ABI3BP: variants seen among roughly 807,000 people sequenced by gnomAD.
The protein encoded by ABI3BP is target of Nesh-SH3.
ABI3BP carries 216 observed loss-of-function variants against 268.6 expected under a neutral mutation model. That is an observed-to-expected ratio of 0.80 (90% CI 0.72 to 0.90). The LOEUF (loss-of-function observed/expected upper bound fraction) is 0.90, where lower values mean the gene tolerates loss of function less well. Ranked by LOEUF, ABI3BP falls within the 40% of genes least tolerant of loss-of-function variation. The probability of loss-of-function intolerance (pLI) is 0.00; values close to 1 mark genes in which losing one functional copy is unlikely to be tolerated. For synonymous variants in ABI3BP, 730 were observed against 730.0 expected (o/e 1.00, Z 0.00); for missense variants, 2,090 against 2,182.4 (o/e 0.96, Z 0.84).
Position 100,874,827 on chromosome 3 carries a change from A to G in ABI3BP, c.910+14T>C, listed in dbSNP as rs2099144528. 2 of 1,541,912 alleles carry G rather than the reference A, an allele frequency of 1.3e-6. No homozygotes were observed. The highest frequency in any genetic ancestry group is 1.9e-5 in the Admixed American group (1 of 53,824). ...AGTTACTGCAAAGTTCAAATACAAA[A>G]CTTTTCTGCTTACCTAATTGTGTCT... On this transcript the variant is annotated intron_variant, in intron 9 of 67. Coordinates refer to ENST00000471714, the MANE Select transcript of ABI3BP (RefSeq NM_001375547.2).
chr3:100,876,634 CTG>C, intron 6 of ABI3BP, 74 bp from the exon 7 acceptor site: 1 of 1,331,376 alleles, frequency 7.5e-7, no homozygotes, highest in Non-Finnish European at 1.1e-6. Flanking sequence ...GTTCGGAGAA[CTG>C]GAAGTAGCCC....
intron 62 of ABI3BP, 83 bp downstream of exon 62, chr3:100,770,660 A>G: frequency 7.7e-7 from 1 of 1,306,404 alleles, no homozygotes. Flanking sequence ...TTCACATGTC[A>G]ACGTTGACCC....
chr3:100,860,395 C>T (rs966647837), intron 14 of ABI3BP, among the ~76,000 whole-genome samples: 4 of 152,180 alleles, frequency 2.6e-5, no homozygotes, highest in East Asian at 1.9e-4. Context: ...AGTTCTCTGG[C>T]GACCTAAGGT....
chr3:100,990,321 T>C (rs545875507), intron 1 of ABI3BP, among the ~76,000 whole-genome samples: 37 of 152,136 alleles, frequency 2.4e-4, no homozygotes, highest in Non-Finnish European at 4.6e-4. Context: ...TAAAATACTA[T>C]GAGATAGTTA....
In ABI3BP at chr3:100,755,139, CTG is replaced by C. The variant is rs536357295; in HGVS notation, c.4851-450_4851-449del. Among the ~76,000 whole-genome samples, 18 of 152,274 alleles carry C rather than the reference CTG, an allele frequency of 1.2e-4. 1 individual carries two copies. In the South Asian group the frequency reaches 3.3e-3, roughly 28 times the overall value. ...CCCTGGACTTAGGCCATCTTTCTCA[CTG>C]TGGAGTTTGAACTACTTATGTCAGA... On this transcript the variant is annotated intron_variant, in intron 63 of 67. Transcript: ENST00000471714.
intron 1 of ABI3BP, among the ~76,000 whole-genome samples, chr3:100,992,177 T>C (rs1362486207): frequency 6.6e-6 from 1 of 152,220 alleles, no homozygotes; most frequent in African/African-American, 2.4e-5. Context: ...TTACTTAGTC[T>C]TTTTTATTGC....
intron 45 of ABI3BP, 36 bp downstream of exon 45, chr3:100,813,625 C>T (rs1267601993): frequency 3.4e-6 from 5 of 1,468,180 alleles, no homozygotes; most frequent in African/African-American, 1.4e-5. Flanking sequence ...TCTTAAAGCA[C>T]ACAGTATACC....
chr3:100,891,093 G>GA (rs2044428840), intron 4 of ABI3BP, among the ~76,000 whole-genome samples: 1 of 151,828 alleles, frequency 6.6e-6, no homozygotes, highest in African/African-American at 2.4e-5. Context: ...ATTACCTCTG[G>GA]AAAAAAGTAA....
At chr3:100,917,680 T>A (rs1372927188) in intron 2 of ABI3BP, among the ~76,000 whole-genome samples, 1 of 152,188 alleles carries the variant, frequency 6.6e-6, no homozygotes, top group Non-Finnish European at 1.5e-5. Flanking sequence ...TAGATTTTGA[T>A]CTCAGTGCAT....
intron 9 of ABI3BP, 91 bp downstream of exon 9, chr3:100,874,750 A>G (rs2099143666): frequency 2.8e-6 from 2 of 725,356 alleles, no homozygotes; most frequent in Non-Finnish European, 4.5e-6. Flanking sequence ...ATCCTCAAAC[A>G]GCTCATTAGC....
intron 12 of ABI3BP, chr3:100,863,773 T>C (rs2099023194): frequency 4.1e-6 from 2 of 490,858 alleles, no homozygotes; most frequent in Admixed American, 6.7e-5. Context: ...ACATATTGAT[T>C]CTGAATTAAA....
At chr3:100,859,215 T>C (rs527952271) in intron 14 of ABI3BP, among the ~76,000 whole-genome samples, 1 of 152,122 alleles carries the variant, frequency 6.6e-6, no homozygotes, top group South Asian at 2.1e-4. Flanking sequence ...AAGGAATTGA[T>C]ATAGTAAATA....
chr3:100,761,401 C>T (rs146769623), intron 63 of ABI3BP, among the ~76,000 whole-genome samples: 1 of 152,246 alleles, frequency 6.6e-6, no homozygotes, highest in African/African-American at 2.4e-5. Flanking sequence ...AGCTGGTAGC[C>T]AGGCTGGGGA....
At chr3:100,883,919 A>G (rs1237099877) in intron 6 of ABI3BP, among the ~76,000 whole-genome samples, 1 of 152,100 alleles carries the variant, frequency 6.6e-6, no homozygotes, top group East Asian at 1.9e-4. Flanking sequence ...CAAATTGGAA[A>G]CTTATAATCA....
In ABI3BP at chr3:100,752,884, G is replaced by C; in HGVS notation, c.5025C>G (p.Gly1675=). The change falls in exon 66 of 68, where the codon GGC becomes GGG. Residue 1675 remains glycine, a synonymous_variant. Coordinates refer to ENST00000471714, the MANE Select transcript of ABI3BP (RefSeq NM_001375547.2). The part of the protein sequence containing the change: ...FNSDSYSECK[G]KQYVKRTWYK... ...ACCATGTCCTTTTGACATATTGTTT[G>C]CCCTTACACTCTGAGTAAGAGTCTG... is the stretch of plus-strand genomic sequence containing the variant. 1 of 1,613,376 alleles carries C rather than the reference G, an allele frequency of 6.2e-7. No homozygotes were observed. The highest frequency in any genetic ancestry group is 8.5e-7 in the Non-Finnish European group (1 of 1,179,610).
chr3:100,980,092 A>G (rs2088527790), intron 1 of ABI3BP, among the ~76,000 whole-genome samples: 2 of 152,198 alleles, frequency 1.3e-5, no homozygotes, highest in Admixed American at 6.5e-5. Flanking sequence ...TTGCTGAAAG[A>G]CTGTCTATAA....
intron 14 of ABI3BP, among the ~76,000 whole-genome samples, chr3:100,857,580 T>A (rs1255785618): frequency 1.3e-5 from 2 of 152,168 alleles, no homozygotes; most frequent in Non-Finnish European, 2.9e-5. Context: ...ATACACCATA[T>A]CTGGAAGGCA....
chr3:100,800,032 T>C (rs965298361), intron 51 of ABI3BP, among the ~76,000 whole-genome samples: 2 of 152,144 alleles, frequency 1.3e-5, no homozygotes, highest in Non-Finnish European at 2.9e-5. Context: ...AGTCTAGCAA[T>C]AGCATTGTCA....
intron 4 of ABI3BP, among the ~76,000 whole-genome samples, chr3:100,896,992 G>A (rs936662366): frequency 2.0e-4 from 30 of 152,082 alleles, no homozygotes; most frequent in African/African-American, 6.5e-4. Context: ...AGGTGATTTT[G>A]AGAACTTATA....
Sources: gnomAD v4.1 joint callset for allele counts (sites outside exome capture counted in the v4.1 genomes callset) on GRCh38, gnomAD v4.1.1 for gene constraint, MANE v1.5 for transcripts, NCBI Gene and HGNC (gene_info 2026-07-23, HGNC 2026-07-21) for gene names.